The following ARMCX4 variants were observed in gnomAD, a reference collection of about 807,000 sequenced individuals.
The protein encoded by ARMCX4 is armadillo repeat-containing X-linked protein 4.
Under a neutral mutation model 34.7 loss-of-function variants are expected in ARMCX4, and 3 were observed. That is an observed-to-expected ratio of 0.09 (90% CI 0.04 to 0.22). The LOEUF (loss-of-function observed/expected upper bound fraction) is 0.22. Among genes scored for constraint, ARMCX4 ranks in the 10% least tolerant of loss-of-function variants. ARMCX4 has a pLI of 1.00. For missense variants in ARMCX4, 1,448 were observed against 1,720.8 expected (o/e 0.84, Z 2.81); for synonymous variants, 513 against 632.8 (o/e 0.81, Z 2.84).
At chrX:101,468,802 A>T (rs1454721168) in intron 4 of ARMCX4, among the ~76,000 whole-genome samples, 1 of 110,369 alleles carries the variant, frequency 9.1e-6, no homozygotes, top group African/African-American at 3.3e-5. Flanking sequence ...TTTAGTAGAG[A>T]CGGGGTTTCA....
At chrX:101,448,637 A>G (rs1204845178), downstream of ARMCX4, among the ~76,000 whole-genome samples, 1 of 111,594 alleles carries the variant, frequency 9.0e-6, no homozygotes, top group Non-Finnish European at 1.9e-5. Context: ...CTGTTGCCCA[A>G]GCTGGAGTGC....
At chrX:101,438,399 C>T (rs1930965227) in intron 2 of ARMCX4, among the ~76,000 whole-genome samples, 1 of 111,334 alleles carries the variant, frequency 9.0e-6, no homozygotes, top group African/African-American at 3.3e-5. Context: ...CCAATCTCTA[C>T]TAAAAAATAA....
chrX:101,436,879 CT>C (rs1930822233), intron 2 of ARMCX4, among the ~76,000 whole-genome samples: 1 of 111,643 alleles, frequency 9.0e-6, no homozygotes, highest in African/African-American at 3.3e-5. Flanking sequence ...TGTCAAAGGC[CT>C]TTTCTGCATC....
At chrX:101,502,853 T>C (rs1197263838) in intron 7 of ARMCX4, among the ~76,000 whole-genome samples, 1 of 108,399 alleles carries the variant, frequency 9.2e-6, no homozygotes, top group Non-Finnish European at 1.9e-5. Context: ...GTTACATATG[T>C]ATACATGTGC....
intron 2 of ARMCX4, among the ~76,000 whole-genome samples, chrX:101,439,283 A>G (rs1311270905): frequency 1.8e-5 from 2 of 111,688 alleles, no homozygotes; most frequent in Non-Finnish European, 3.8e-5. Flanking sequence ...TTCTTTAAGA[A>G]TGTTGAATAT....
chrX:101,495,184 G>C lies in ARMCX4; in HGVS notation c.6595G>C (p.Asp2199His). The change falls in exon 6 of 6, where the codon GAC (aspartate) becomes CAC (histidine). Residue 2199 changes from aspartate (D) to histidine (H), a missense_variant. Physicochemically the swap from Asp to His is moderately conservative, Grantham distance 81 (BLOSUM62 -1). Around this residue, in one of 2 missense-constraint regions of ARMCX4, gnomAD observed 105 missense variants for 180.2 expected, o/e 0.58. Transcript: ENST00000423738. The part of the protein sequence containing the change: ...NFSKNPSMTK[D>H]LLIANAPTSL... ...CTCTAAAAATCCATCTATGACAAAA[G>C]ACTTGCTCATTGCCAATGCACCAAC... The C allele has an allele frequency of 1.7e-6, 2 of 1,152,930 alleles. No individual in the cohort carries two copies. The highest frequency in any genetic ancestry group is 2.3e-6 in the Non-Finnish European group (2 of 869,950).
In ARMCX4 at chrX:101,456,736, A is replaced by G. The variant is rs782625457; in HGVS notation, c.-473+10692A>G. Among the ~76,000 whole-genome samples, 258 of 111,218 alleles carry G rather than the reference A, an allele frequency of 2.3e-3. 4 individuals carry two copies. The highest frequency in any genetic ancestry group is 3.1e-3 in the Non-Finnish European group (163 of 52,993). On this transcript the variant is annotated intron_variant and NMD_transcript_variant, in intron 4 of 15. Coordinates refer to the ARMCX4 transcript ENST00000433011. ...ATTATTATTCATCAAACAATTAACA[A>G]TATTCCTTAACATTATTAAATCTTC...
chrX:101,444,475 G>A (rs1931509002), intron 3 of ARMCX4, among the ~76,000 whole-genome samples: 1 of 112,106 alleles, frequency 8.9e-6, no homozygotes, highest in Non-Finnish European at 1.9e-5. Context: ...AATCCTATTA[G>A]ACAATTTTAG....
At chrX:101,526,431 A>T (rs1276324043) in intron 11 of ARMCX4, among the ~76,000 whole-genome samples, 2 of 111,951 alleles carry the variant, frequency 1.8e-5, no homozygotes, top group Non-Finnish European at 3.8e-5. Context: ...TCAACTAATG[A>T]GCAAAATAAC....
chrX:101,462,572 G>A (rs985391063), intron 4 of ARMCX4, among the ~76,000 whole-genome samples: 1 of 106,083 alleles, frequency 9.4e-6, no homozygotes, highest in South Asian at 4.4e-4. Flanking sequence ...CCAGGGAGTT[G>A]GAGGTTGCAG....
In ARMCX4 at chrX:101,495,237, A is replaced by G. The variant is rs782820185; in HGVS notation, c.6648A>G (p.Lys2216=). ...PTSLINIFSK[K]ETKENILNAL... is the part of the protein sequence containing the mutation. ...CACTGATTAACATTTTTAGCAAGAA[A>G]GAGACAAAGGAGAATATTCTTAATG... The change falls in exon 6 of 6, where the codon AAA becomes AAG. Residue 2216 remains lysine, a synonymous_variant. Coordinates refer to ENST00000423738, the MANE Select transcript of ARMCX4 (RefSeq NM_001256155.3). The G allele has an allele frequency of 8.7e-6, 10 of 1,147,791 alleles. No homozygotes were observed. The highest frequency in any genetic ancestry group is 1.2e-5 in the Non-Finnish European group (10 of 866,709). 94.6% of individuals were successfully genotyped at this position (1,147,791 alleles called of 1,213,427 possible).
At chrX:101,463,996 G>T (rs1346737654) in intron 4 of ARMCX4, among the ~76,000 whole-genome samples, 1 of 110,108 alleles carries the variant, frequency 9.1e-6, no homozygotes, top group Non-Finnish European at 1.9e-5. Context: ...GAGCTCGAGT[G>T]ATCCACCTGC....
chrX:101,515,461 TCCTTCCTCCCTCCCTCCCTC>T (rs1934717000), intron 11 of ARMCX4, among the ~76,000 whole-genome samples: 1 of 40,483 alleles, frequency 2.5e-5, no homozygotes, highest in Non-Finnish European at 4.5e-5. Context: ...CTTCCTTCCT[TCCTTCCTCCCTCCCTCCCTC>T]CCTCCCTCCC....
downstream of ARMCX4, among the ~76,000 whole-genome samples, chrX:101,448,842 T>A (rs925485689): frequency 8.2e-5 from 9 of 109,504 alleles, no homozygotes; most frequent in East Asian, 2.6e-3. Context: ...CTGCCCACCT[T>A]GGCCTCCCAC....
chrX:101,445,662 A>G (rs1239928768), intron 3 of ARMCX4, among the ~76,000 whole-genome samples: 1 of 112,319 alleles, frequency 8.9e-6, no homozygotes, highest in Non-Finnish European at 1.9e-5. Flanking sequence ...TGTTCAAGTT[A>G]CATAAATGGT....
At position 101,436,718 on chromosome X, in the gene ARMCX4, G is replaced by C. The variant is rs782661666; in HGVS notation, n.165-7334G>C. On this transcript the variant is annotated intron_variant and non_coding_transcript_variant, in intron 2 of 3. Transcript: ENST00000430461. ...TGGTGAGAGAGGGCATCCCTGTCTT[G>C]TGCCAGTTTTCAAAGGGAATGCTTC... Among the ~76,000 whole-genome samples, 7 of 111,595 alleles carry C rather than the reference G, an allele frequency of 6.3e-5. No homozygotes were observed. The South Asian group carries it at 1.1e-3, about 18-fold the overall frequency.
At chrX:101,535,595 A>G (rs1935204982), downstream of ARMCX4, among the ~76,000 whole-genome samples, 1 of 111,752 alleles carries the variant, frequency 8.9e-6, no homozygotes, top group Non-Finnish European at 1.9e-5. Context: ...GACTTATGTT[A>G]TTTGAAGGAA....
intron 2 of ARMCX4, among the ~76,000 whole-genome samples, chrX:101,428,283 A>G (rs1005520070): frequency 2.7e-5 from 3 of 112,409 alleles, no homozygotes; most frequent in Non-Finnish European, 3.8e-5. Flanking sequence ...AGATTAAAAA[A>G]GAGAGTATAT....
At chrX:101,522,343 T>A (rs1556019324) in intron 11 of ARMCX4, among the ~76,000 whole-genome samples, 1 of 111,790 alleles carries the variant, frequency 8.9e-6, no homozygotes, top group African/African-American at 3.2e-5. Flanking sequence ...GCATGGTATA[T>A]CTTTTTCTGT....
Sources: gnomAD v4.1 joint callset for allele counts (sites outside exome capture counted in the v4.1 genomes callset) on GRCh38, gnomAD v4.1.1 for gene constraint, gnomAD v4.1.1 regional missense constraint, MANE v1.5 for transcripts, NCBI Gene and HGNC (gene_info 2026-07-23, HGNC 2026-07-21) for gene names.